TFB2M: variants seen among roughly 807,000 people sequenced by gnomAD.
TFB2M encodes transcription factor B2, mitochondrial.
Under a neutral mutation model 41.3 loss-of-function variants are expected in TFB2M, and 44 were observed. That is an observed-to-expected ratio of 1.07 (90% CI 0.84 to 1.37). TFB2M has a LOEUF of 1.37. Among genes scored for constraint, TFB2M ranks in the 40% most tolerant of loss-of-function variants. TFB2M has a pLI of 0.00. For synonymous variants in TFB2M, 188 were observed against 176.8 expected (o/e 1.06, Z -0.50); for missense variants, 496 against 490.2 (o/e 1.01, Z -0.11).
Position 246,548,531 on chromosome 1 carries a change from T to C in TFB2M, c.858+14A>G, listed in dbSNP as rs1481246736. ...CGTAGGGAGAAAAAGGAAAAGGTAT[T>C]ATTTTATTCTTACCCTACGCTTTGG... On this transcript the variant is annotated intron_variant, in intron 6 of 7. Transcript: ENST00000366514. The C allele has an allele frequency of 6.2e-7, 1 of 1,607,786 alleles. No homozygotes were observed. Among genetic ancestry groups the C allele is most frequent in the South Asian group, 1.1e-5 (1 of 89,672 alleles).
intron 7 of TFB2M, among the ~76,000 whole-genome samples, chr1:246,543,563 TG>T (rs1658917467): frequency 6.6e-6 from 1 of 151,946 alleles, no homozygotes. Context: ...ACAAATTACA[TG>T]GATGGCCAGG....
chr1:246,546,983 A>ACACACACACACACTTT (rs764498048), intron 6 of TFB2M, among the ~76,000 whole-genome samples: 3 of 127,180 alleles, frequency 2.4e-5, no homozygotes, highest in Non-Finnish European at 3.3e-5. Flanking sequence ...ACACACACAC[A>ACACACACACACACTTT]TTTTTTTTTT....
chr1:246,550,907 G>A (rs1231693765), intron 5 of TFB2M, among the ~76,000 whole-genome samples: 2 of 152,230 alleles, frequency 1.3e-5, no homozygotes, highest in South Asian at 2.1e-4. Flanking sequence ...ATAAAAAATA[G>A]AGCCAGGTGC....
At chr1:246,551,634 A>AT (rs1659186962) in intron 4 of TFB2M, among the ~76,000 whole-genome samples, 1 of 151,818 alleles carries the variant, frequency 6.6e-6, no homozygotes, top group Admixed American at 6.6e-5. Context: ...AGGTGGGAGG[A>AT]TGCTTGAGCC....
chr1:246,563,879 T>C (rs2102991608), intron 2 of TFB2M, among the ~76,000 whole-genome samples: 1 of 152,046 alleles, frequency 6.6e-6, no homozygotes, highest in Admixed American at 6.5e-5. Flanking sequence ...AAATTTGAAA[T>C]CCAAAACAGT....
chr1:246,547,359 T>C (rs1166653536), intron 6 of TFB2M, among the ~76,000 whole-genome samples: 2 of 152,234 alleles, frequency 1.3e-5, no homozygotes, highest in Non-Finnish European at 2.9e-5. Flanking sequence ...GTATATTATA[T>C]ACAGGATTGT....
intron 2 of TFB2M, among the ~76,000 whole-genome samples, chr1:246,563,201 A>G (rs199895875): frequency 8.9e-6 from 1 of 111,804 alleles, no homozygotes; most frequent in African/African-American, 3.7e-5. Flanking sequence ...CTCTGAACAC[A>G]CTTTTTTTTT....
intron 4 of TFB2M, among the ~76,000 whole-genome samples, chr1:246,554,069 C>T (rs10465618): frequency 0.4 from 60,500 of 151,926 alleles, 12,520 homozygotes; most frequent in Non-Finnish European, 0.45. Context: ...CTGACACCAA[C>T]GCCAAAGCCA....
intron 5 of TFB2M, among the ~76,000 whole-genome samples, chr1:246,550,606 A>AG (rs1342288735): frequency 6.6e-6 from 1 of 152,230 alleles, no homozygotes; most frequent in African/African-American, 2.4e-5. Context: ...AGCCAGGGCC[A>AG]GGCGCAGTGG....
At chr1:246,565,745 T>G in intron 1 of TFB2M, 81 bp downstream of exon 1, 1 of 1,445,050 alleles carries the variant, frequency 6.9e-7, no homozygotes, top group Non-Finnish European at 9.4e-7. Flanking sequence ...CCCCCCAGTA[T>G]CTAAAATAGC....
chr1:246,553,244 A>C (rs977579557), intron 4 of TFB2M, among the ~76,000 whole-genome samples: 1 of 152,052 alleles, frequency 6.6e-6, no homozygotes, highest in Non-Finnish European at 1.5e-5. Flanking sequence ...AAAACAAAAA[A>C]CCTAATAAAT....
chr1:246,549,361 C>T (rs981477926), intron 5 of TFB2M, among the ~76,000 whole-genome samples: 6 of 151,920 alleles, frequency 3.9e-5, no homozygotes, highest in African/African-American at 9.7e-5. Flanking sequence ...GGAGGAGGAC[C>T]GCTTGAGCTC....
rs147234222 is a variant in TFB2M, at chr1:246,555,229, C to A, written c.705+1344G>T. Among the ~76,000 whole-genome samples, 208 of 152,270 alleles carry A rather than the reference C, an allele frequency of 1.4e-3. 1 individual carries two copies. Among genetic ancestry groups the A allele is most frequent in the African/African-American group, 4.8e-3 (199 of 41,534 alleles). On this transcript the variant is annotated intron_variant, in intron 4 of 7. Coordinates refer to ENST00000366514, the MANE Select transcript of TFB2M (RefSeq NM_022366.3). Reference sequence around the variant, plus strand: ...GTGGAGAAATCGGAACCCTTGTGCACTGCTGGTAGGAATATCAAATGGTGC... The same window carrying A: ...GTGGAGAAATCGGAACCCTTGTGCAATGCTGGTAGGAATATCAAATGGTGC...
intron 6 of TFB2M, among the ~76,000 whole-genome samples, chr1:246,545,051 C>T (rs1464499496): frequency 7.3e-5 from 10 of 136,406 alleles, no homozygotes; most frequent in South Asian, 2.8e-4. Context: ...GTGATCCGCC[C>T]GCCTCGGCCT....
Position 246,544,664 on chromosome 1 carries a change from T to C in TFB2M, c.876A>G (p.Leu292=), listed in dbSNP as rs1250980443. The C allele has an allele frequency of 6.3e-7, 1 of 1,595,488 alleles. No individual in the cohort carries two copies. The highest frequency in any genetic ancestry group is 1.2e-5 in the South Asian group (1 of 86,784). ...NPKRRELLDQ[L]QQKLYLIQMI... is the part of the protein sequence containing the mutation. ...TTTGAATAAGATACAGCTTTTGTTG[T>C]AATTGGTCTAATAATTCCTGGAGAG... Residue 292 remains leucine, a synonymous_variant, in exon 7 of 8, where the codon TTA becomes TTG. Coordinates refer to ENST00000366514, the MANE Select transcript of TFB2M (RefSeq NM_022366.3).
intron 5 of TFB2M, among the ~76,000 whole-genome samples, chr1:246,550,049 T>C (rs968178798): frequency 2.0e-5 from 3 of 152,208 alleles, no homozygotes; most frequent in African/African-American, 7.2e-5. Context: ...AGAAAGACCT[T>C]TCCTTTCTGG....
chr1:246,548,753 A>G, intron 5 of TFB2M, 146 bp from the exon 6 acceptor site: 1 of 618,898 alleles, frequency 1.6e-6, no homozygotes, highest in Non-Finnish European at 2.7e-6. Flanking sequence ...ATAGCTAAAT[A>G]ATACACATCT....
intron 7 of TFB2M, among the ~76,000 whole-genome samples, chr1:246,543,467 A>AT (rs1323589918): frequency 5.9e-5 from 9 of 152,174 alleles, no homozygotes; most frequent in African/African-American, 2.2e-4. Context: ...TCATCCCTAC[A>AT]TACAAATTAC....
chr1:246,564,205 T>C, intron 2 of TFB2M, 141 bp downstream of exon 2: 1 of 682,912 alleles, frequency 1.5e-6, no homozygotes, highest in Non-Finnish European at 2.5e-6. Context: ...TGTTCTAGTC[T>C]TTGGGAATAA....
Sources: allele counts gnomAD v4.1 joint callset (sites outside exome capture counted in the v4.1 genomes callset), GRCh38; gene constraint gnomAD v4.1.1; transcripts MANE v1.5; gene names NCBI Gene and HGNC (gene_info 2026-07-23, HGNC 2026-07-21).